The following NISCH variants were observed in gnomAD, a reference collection of about 807,000 sequenced individuals.
The protein encoded by NISCH is nischarin.
In NISCH, 55 loss-of-function variants were observed where a neutral mutation model predicts 138.4. The ratio of observed to expected loss-of-function variants is 0.40; its 90% confidence interval spans 0.32 to 0.50. The LOEUF (loss-of-function observed/expected upper bound fraction) is 0.50. Ranked by LOEUF, NISCH falls within the 20% of genes least tolerant of loss-of-function variation. The pLI, the probability that NISCH is intolerant of heterozygous loss-of-function variation, is 0.71. For synonymous variants in NISCH, 860 were observed against 861.5 expected (o/e 1.00, Z 0.03); for missense variants, 1,643 against 2,005.5 (o/e 0.82, Z 3.45).
chr3:52,482,265 C>T lies in NISCH; in HGVS notation c.1528+1970C>T, dbSNP rs376218110. 3.3e-5 allele frequency among the ~76,000 whole-genome samples: 5 copies of T among 152,312 alleles called. No homozygotes were observed. In the South Asian group the frequency reaches 6.2e-4, roughly 19 times the overall value. On this transcript the variant is annotated intron_variant, in intron 13 of 20. Coordinates refer to ENST00000345716, the MANE Select transcript of NISCH (RefSeq NM_007184.4). ...TGCCTGTTGCTTCCAGCCTGATTCC[C>T]GAGAAGGGAGCCTGCTTGCGAAGGA...
In NISCH at chr3:52,472,359, G is replaced by A. The variant is rs148100246; in HGVS notation, c.630G>A (p.Pro210=). 133 of 1,614,148 alleles carry A rather than the reference G, an allele frequency of 8.2e-5. 1 individual carries two copies. In the African/African-American group the frequency reaches 1.1e-3, roughly 13 times the overall value. The change falls in exon 6 of 21, where the codon CCG becomes CCA. Residue 210 remains proline, a synonymous_variant. Transcript: ENST00000345716. The part of the protein sequence containing the change: ...GTSNIQEQLL[P]FDLSIFKSLH... ...GCAACATTCAGGAGCAGCTCCTGCC[G>A]TTCGACCTATCAATATTCAAGTCCC...
chr3:52,485,651 G>T, intron 14 of NISCH, 127 bp from the exon 15 acceptor site: 1 of 1,030,624 alleles, frequency 9.7e-7, no homozygotes, highest in Non-Finnish European at 1.5e-6. Flanking sequence ...AGGGTACAGC[G>T]TGGGGATGGG....
intron 13 of NISCH, among the ~76,000 whole-genome samples, chr3:52,483,803 A>G (rs899474491): frequency 1.3e-5 from 2 of 152,214 alleles, no homozygotes; most frequent in Non-Finnish European, 2.9e-5. Flanking sequence ...GTCTGGGAAA[A>G]TGCTCCAGGA....
Position 52,488,556 on chromosome 3 carries a change from A to G in NISCH, c.3064A>G (p.Ser1022Gly). ...VIAKTPGTGG[S>G]PQGSFADGQP... ...CGCCAAGACCCCCGGGACGGGAGGC[A>G]GCCCCCAGGGCTCCTTTGCGGATGG... is the stretch of plus-strand genomic sequence containing the variant. Residue 1022 changes from serine (S) to glycine (G), a missense_variant, in exon 16 of 21, where the codon AGC becomes GGC. By Grantham distance (56) the Ser-to-Gly change is moderately conservative. Transcript: ENST00000345716. The G allele has an allele frequency of 6.2e-7, 1 of 1,612,840 alleles. No individual in the cohort carries two copies. Among genetic ancestry groups the G allele is most frequent in the African/African-American group, 1.3e-5 (1 of 75,052 alleles).
Position 52,455,649 on chromosome 3 carries a change from C to T in NISCH, c.8C>T (p.Thr3Ile). 1 of 1,342,070 alleles carries T rather than the reference C, an allele frequency of 7.5e-7. No individual in the cohort carries two copies. The highest frequency in any genetic ancestry group is 2.8e-5 in the East Asian group (1 of 35,546). 83.1% of individuals were successfully genotyped at this position (1,342,070 alleles called of 1,614,324 possible). A position where few individuals can be genotyped will look rare whatever the true frequency, so the allele number is the denominator to read the frequency against. Residue 3 changes from threonine (T) to isoleucine (I), a missense_variant, in exon 1 of 21, where the codon ACC becomes ATC. Physicochemically the swap from Thr to Ile is moderately conservative, Grantham distance 89. Transcript: ENST00000345716. Reference protein sequence around the residue: MATARTFGPEREA... With the variant: MAIARTFGPEREA... ...GGCGGCGGAGACCCGAACATGGCGA[C>T]CGCGCGCACCTTCGGGCCCGAGCGG...
chr3:52,471,831 GC>G lies in NISCH; in HGVS notation c.429del (p.Gly144AlafsTer81). 6.2e-7 allele frequency: 1 copy of G among 1,614,010 alleles called. No individual in the cohort carries two copies. The highest frequency in any genetic ancestry group is 8.5e-7 in the Non-Finnish European group (1 of 1,179,978). ...LFEKGEQLLG[A>X]GEVFAIGPLQ... ...TCTTGCAGGAGAACAGCTCCTGGGG[GC>G]CGGCGAGGTCTTTGCCATTGGACCC... On this transcript the variant is annotated frameshift_variant, in exon 5 of 21. Coordinates refer to ENST00000345716, the MANE Select transcript of NISCH (RefSeq NM_007184.4). LOFTEE classifies it high-confidence loss of function.
At chr3:52,464,634 C>T (rs944597969) in intron 3 of NISCH, among the ~76,000 whole-genome samples, 5 of 144,996 alleles carry the variant, frequency 3.4e-5, no homozygotes, top group African/African-American at 1.0e-4. Flanking sequence ...AAGCGATTCT[C>T]GTGCCTCGGC....
intron 17 of NISCH, 198 bp downstream of exon 17, chr3:52,489,876 C>T: frequency 8.4e-7 from 1 of 1,184,456 alleles, no homozygotes; most frequent in Non-Finnish European, 1.2e-6. Flanking sequence ...TCACCACCTC[C>T]TGTGCCACTT....
chr3:52,477,677 A>G, intron 9 of NISCH, 35 bp downstream of exon 9: 1 of 1,554,712 alleles, frequency 6.4e-7, no homozygotes, highest in Non-Finnish European at 8.9e-7. Flanking sequence ...GCCCGCACAC[A>G]CTCCCAAGGC....
chr3:52,457,754 G>A (rs952202783), intron 1 of NISCH, 89 bp from the exon 2 acceptor site: 8 of 969,514 alleles, frequency 8.3e-6, no homozygotes, highest in Non-Finnish European at 1.2e-5. Flanking sequence ...AGATAATTGG[G>A]AAAGATAATT....
intron 19 of NISCH, 97 bp from the exon 20 acceptor site, chr3:52,491,255 G>C (rs1707553876): frequency 6.7e-7 from 1 of 1,497,276 alleles, no homozygotes; most frequent in Non-Finnish European, 8.9e-7. Flanking sequence ...CCTGGCCTCT[G>C]GGCTGAGGCT....
At chr3:52,458,434 A>G (rs1404191807) in intron 2 of NISCH, among the ~76,000 whole-genome samples, 1 of 152,226 alleles carries the variant, frequency 6.6e-6, no homozygotes, top group Non-Finnish European at 1.5e-5. Flanking sequence ...ATGTCTCTAA[A>G]GTCTCCAGAT....
At chr3:52,479,897 CAG>C (rs1559635972) in intron 12 of NISCH, 35 bp downstream of exon 12, 4 of 1,528,814 alleles carry the variant, frequency 2.6e-6, no homozygotes, top group Non-Finnish European at 2.7e-6. Context: ...GGCAGTGGTG[CAG>C]AGCCAGCCGG....
intron 13 of NISCH, chr3:52,481,773 G>T: frequency 1.0e-6 from 1 of 985,606 alleles, no homozygotes; most frequent in Non-Finnish European, 1.2e-6. Context: ...CTCTGCACCA[G>T]CTCAGCCCCC....
intron 6 of NISCH, among the ~76,000 whole-genome samples, chr3:52,473,256 G>A: frequency 6.6e-6 from 1 of 152,242 alleles, no homozygotes; most frequent in African/African-American, 2.4e-5. Context: ...GCAGGCTGAG[G>A]CTCTGGATCT....
intron 3 of NISCH, among the ~76,000 whole-genome samples, chr3:52,468,084 A>AC (rs11457000): frequency 1 from 152,217 of 152,220 alleles, 76,107 homozygotes; most frequent in Non-Finnish European, 1. Flanking sequence ...ACATGGTGAA[A>AC]CCCATCTCTA....
At position 52,492,608 on chromosome 3, in the gene NISCH, A is replaced by C; in HGVS notation, c.*126A>C. 1 of 1,163,170 alleles carries C rather than the reference A, an allele frequency of 8.6e-7. No individual in the cohort carries two copies. Among genetic ancestry groups the C allele is most frequent in the East Asian group, 2.6e-5 (1 of 38,616 alleles). The allele number at this position is 1,163,170 out of a possible 1,614,324, so 72.1% of individuals were successfully genotyped here. On this transcript the variant is annotated 3_prime_UTR_variant, in exon 21 of 21. Transcript: ENST00000345716. ...CTTAATTTGACTGTCCTCGCAGAGA[A>C]TGTGAACATGTGTGTGTGTTGTGTT...
rs936451675 is a variant in NISCH, at chr3:52,487,015, G to A, written c.1704-181G>A. On this transcript the variant is annotated intron_variant, in intron 15 of 20. Transcript: ENST00000345716. The surrounding 1 kb of genome is among the most constrained non-coding windows in gnomAD (Gnocchi z 9.1). Reference sequence around the variant, plus strand: ...AAACTGGCGACCCAGCCTTCCAGCAGGCAGCACTGGCTCCCACCAGGGCCC... The same window carrying A: ...AAACTGGCGACCCAGCCTTCCAGCAAGCAGCACTGGCTCCCACCAGGGCCC... 9.9e-5 allele frequency among the ~76,000 whole-genome samples: 15 copies of A among 152,232 alleles called. No homozygotes were observed. Among genetic ancestry groups the A allele is most frequent in the Non-Finnish European group, 1.9e-4 (13 of 68,042 alleles).
At chr3:52,461,948 G>A (rs1280935712) in intron 3 of NISCH, among the ~76,000 whole-genome samples, 1 of 152,092 alleles carries the variant, frequency 6.6e-6, no homozygotes, top group Non-Finnish European at 1.5e-5. Flanking sequence ...GTCCTTTGAC[G>A]GTATTAATTC....
Sources: allele counts gnomAD v4.1 joint callset (sites outside exome capture counted in the v4.1 genomes callset), GRCh38; gene constraint gnomAD v4.1.1; non-coding constraint Gnocchi (gnomAD v3.1); transcripts MANE v1.5; gene names NCBI Gene and HGNC (gene_info 2026-07-23, HGNC 2026-07-21).